Variants in RHOBTB1 observed in about 807,000 individuals in gnomAD.
The protein encoded by RHOBTB1 is rho-related BTB domain-containing protein 1.
RHOBTB1 carries 40 observed loss-of-function variants against 71.6 expected under a neutral mutation model. That is an observed-to-expected ratio of 0.56 (90% CI 0.43 to 0.73). RHOBTB1 has a LOEUF of 0.73. Among genes scored for constraint, RHOBTB1 ranks in the 30% least tolerant of loss-of-function variants. The probability of loss-of-function intolerance (pLI) is 0.00; values close to 1 mark genes in which losing one functional copy is unlikely to be tolerated. For missense variants in RHOBTB1, 797 were observed against 894.0 expected, an observed-to-expected ratio of 0.89 and a Z score of 1.38; for synonymous variants, 319 against 334.9, an observed-to-expected ratio of 0.95 and a Z score of 0.52.
At chr10:60,986,433 A>AAT (rs1554860070) in intron 1 of RHOBTB1, among the ~76,000 whole-genome samples, 8 of 136,390 alleles carry the variant, frequency 5.9e-5, no homozygotes, top group Admixed American at 4.4e-4. Flanking sequence ...ATATATATAA[A>AAT]ATATATATAG....
At chr10:60,970,120 C>A (rs2086104054) in intron 2 of RHOBTB1, among the ~76,000 whole-genome samples, 2 of 152,106 alleles carry the variant, frequency 1.3e-5, no homozygotes, top group Admixed American at 6.6e-5. Context: ...AGCTTGCTGT[C>A]ATTTAGCAAA....
intron 6 of RHOBTB1, among the ~76,000 whole-genome samples, chr10:60,887,139 G>A (rs989491897): frequency 9.3e-5 from 14 of 150,254 alleles, no homozygotes; most frequent in Admixed American, 2.0e-4. Context: ...TGCCTCTCCA[G>A]TAAGGAGGAG....
intron 4 of RHOBTB1, among the ~76,000 whole-genome samples, chr10:60,905,462 A>AT (rs1331021746): frequency 3.3e-5 from 5 of 151,048 alleles, no homozygotes; most frequent in African/African-American, 1.2e-4. Flanking sequence ...AAAAAAAAAA[A>AT]AAAAAAAAAA....
downstream of RHOBTB1, among the ~76,000 whole-genome samples, chr10:60,867,858 C>G (rs1455711779): frequency 6.6e-6 from 1 of 152,172 alleles, no homozygotes; most frequent in Middle Eastern, 3.2e-3. Flanking sequence ...AAGTCTAAAC[C>G]TTTCATGATG....
intron 1 of RHOBTB1, chr10:61,001,278 A>C (rs558940528): frequency 6.6e-6 from 1 of 152,264 alleles, no homozygotes; most frequent in South Asian, 2.1e-4. Flanking sequence ...TCGCGTCCCC[A>C]TGAGCCTGCG....
chr10:60,987,238 T>C (rs1176606199), intron 1 of RHOBTB1, among the ~76,000 whole-genome samples: 1 of 152,236 alleles, frequency 6.6e-6, no homozygotes, highest in Non-Finnish European at 1.5e-5. Flanking sequence ...CTGAATTTTC[T>C]TCTTCTGGCT....
chr10:61,000,770 A>G (rs1375269545), intron 1 of RHOBTB1, among the ~76,000 whole-genome samples: 1 of 152,144 alleles, frequency 6.6e-6, no homozygotes, highest in Non-Finnish European at 1.5e-5. Context: ...CCCCATCTCC[A>G]GACACCACAA....
chr10:60,958,890 C>T (rs887422576), intron 2 of RHOBTB1, among the ~76,000 whole-genome samples: 15 of 152,046 alleles, frequency 9.9e-5, no homozygotes, highest in East Asian at 7.7e-4. Context: ...TGTGAGGCAC[C>T]GCACCTGGCC....
chr10:60,895,400 AT>A (rs1468871114), intron 4 of RHOBTB1, among the ~76,000 whole-genome samples: 1 of 74,150 alleles, frequency 1.3e-5, no homozygotes, highest in African/African-American at 5.6e-5. Flanking sequence ...AAATAAGATT[AT>A]TTTTTATTTA....
intron 4 of RHOBTB1, among the ~76,000 whole-genome samples, chr10:60,894,333 G>A (rs2082061564): frequency 6.6e-6 from 1 of 152,278 alleles, no homozygotes; most frequent in East Asian, 1.9e-4. Flanking sequence ...CAAATTATAA[G>A]AGAGGACCTA....
chr10:60,892,793 T>G lies in RHOBTB1; in HGVS notation c.482+17A>C. On this transcript the variant is annotated intron_variant, in intron 5 of 10. Coordinates refer to ENST00000337910, the MANE Select transcript of RHOBTB1 (RefSeq NM_014836.5). ...TAACTTGGTCAGGACAGGGAAACAC[T>G]GAGTCCCTTGGCTTACCTTGCTAAC... The G allele has an allele frequency of 1.2e-5, 19 of 1,605,594 alleles. No homozygotes were observed. The highest frequency in any genetic ancestry group is 1.4e-5 in the Non-Finnish European group (17 of 1,176,050).
chr10:60,919,368 A>G (rs1000320562), intron 2 of RHOBTB1, among the ~76,000 whole-genome samples: 5 of 152,244 alleles, frequency 3.3e-5, no homozygotes, highest in Non-Finnish European at 7.3e-5. Context: ...CATAATAACT[A>G]TAGCCAACAG....
chr10:60,930,753 G>T (rs992899539), intron 2 of RHOBTB1, among the ~76,000 whole-genome samples: 17 of 152,096 alleles, frequency 1.1e-4, no homozygotes, highest in Non-Finnish European at 2.2e-4. Context: ...CATGGCAACT[G>T]CTCAAATCTG....
intron 2 of RHOBTB1, among the ~76,000 whole-genome samples, chr10:60,954,161 A>G (rs2085507576): frequency 6.6e-6 from 1 of 152,196 alleles, no homozygotes; most frequent in South Asian, 2.1e-4. Flanking sequence ...TTGAAAGTAG[A>G]AAACGCCTCA....
intron 5 of RHOBTB1, among the ~76,000 whole-genome samples, chr10:60,892,450 G>A (rs898482306): frequency 6.6e-6 from 1 of 152,132 alleles, no homozygotes; most frequent in African/African-American, 2.4e-5. Context: ...ACCTCTAAGT[G>A]TTAACTAATT....
chr10:60,866,258 C>T (rs1457007409), downstream of RHOBTB1, among the ~76,000 whole-genome samples: 2 of 152,170 alleles, frequency 1.3e-5, no homozygotes, highest in Non-Finnish European at 1.5e-5. Context: ...TGGATGCAGC[C>T]TATGGGAGGC....
intron 5 of RHOBTB1, 98 bp downstream of exon 5, chr10:60,892,712 A>G: frequency 9.6e-7 from 1 of 1,036,774 alleles, no homozygotes; most frequent in East Asian, 2.5e-5. Context: ...GATGGGATCC[A>G]GGAGTGTTGA....
At chr10:60,971,388 C>T (rs532190990) in intron 2 of RHOBTB1, among the ~76,000 whole-genome samples, 5 of 152,100 alleles carry the variant, frequency 3.3e-5, no homozygotes, top group African/African-American at 1.2e-4. Context: ...AGAAATAATG[C>T]CACACATCTA....
At chr10:60,983,352 C>G (rs184846645) in intron 2 of RHOBTB1, among the ~76,000 whole-genome samples, 2 of 151,966 alleles carry the variant, frequency 1.3e-5, no homozygotes, top group African/African-American at 4.8e-5. Flanking sequence ...ATGAAATTTG[C>G]TTATTATAAG....
Sources: gnomAD v4.1 joint callset for allele counts (sites outside exome capture counted in the v4.1 genomes callset) on GRCh38, gnomAD v4.1.1 for gene constraint, MANE v1.5 for transcripts, NCBI Gene and HGNC (gene_info 2026-07-23, HGNC 2026-07-21) for gene names.